The following ZBTB7B variants were observed in gnomAD, a reference collection of about 807,000 sequenced individuals.
ZBTB7B encodes zinc finger and BTB domain-containing protein 7B.
In ZBTB7B, 8 loss-of-function variants were observed where a neutral mutation model predicts 31.0. That is an observed-to-expected ratio of 0.26 (90% CI 0.15 to 0.47). The LOEUF is 0.47. Ranked by LOEUF, ZBTB7B falls within the 20% of genes least tolerant of loss-of-function variation. The pLI, the probability that ZBTB7B is intolerant of heterozygous loss-of-function variation, is 0.99. For synonymous variants in ZBTB7B, 261 were observed against 307.3 expected (o/e 0.85, Z 1.58); for missense variants, 494 against 742.4 (o/e 0.67, Z 3.89).
At chr1:155,005,365 G>GC (rs1351445515) in intron 1 of ZBTB7B, among the ~76,000 whole-genome samples, 2 of 152,190 alleles carry the variant, frequency 1.3e-5, no homozygotes, top group Non-Finnish European at 2.9e-5. Flanking sequence ...TGATCCTATG[G>GC]CTGCCTGGAT....
At chr1:155,014,431 T>G (rs1659213209) in intron 1 of ZBTB7B, 3 of 584,250 alleles carry the variant, frequency 5.1e-6, no homozygotes, top group Non-Finnish European at 9.0e-6. Flanking sequence ...GTTCTGCACT[T>G]AACTTGGAAA....
Position 155,017,347 on chromosome 1 carries a change from T to TGGGGGCAGTAGAGGGGCCC in ZBTB7B, c.*663_*681dup. The TGGGGGCAGTAGAGGGGCCC allele has an allele frequency of 6.6e-6, 1 of 151,272 alleles. No homozygotes were observed. The highest frequency in any genetic ancestry group is 2.1e-4 in the South Asian group (1 of 4,824). The allele number at this position is 151,272 out of a possible 1,614,324, so 9.4% of individuals were successfully genotyped here. ...GTGGCCTGATTGGCTCGCCTGCCCC[T>TGGGGGCAGTAGAGGGGCCC]GGGGGCAGTAGAGGGGCCCCGCCCA... is the stretch of plus-strand genomic sequence containing the variant. On this transcript the variant is annotated 3_prime_UTR_variant, in exon 3 of 3. Coordinates refer to ENST00000535420, the MANE Select transcript of ZBTB7B (RefSeq NM_001256455.2).
rs772200065 is a variant in ZBTB7B at position 155,015,467 on chromosome 1, C to A, written c.807C>A (p.Ser269Arg). The A allele has an allele frequency of 6.2e-7, 1 of 1,603,030 alleles. No homozygotes were observed. The highest frequency in any genetic ancestry group is 1.7e-5 in the Admixed American group (1 of 58,960). Residue 269 changes from serine (S) to arginine (R), a missense_variant, in exon 2 of 3, where the codon AGC becomes AGA. By Grantham distance (110) the Ser-to-Arg change is moderately radical. Around this residue, in one of 5 missense-constraint regions of ZBTB7B, gnomAD observed 216 missense variants for 229.3 expected, o/e 0.94. Transcript: ENST00000535420. ...GTASPPEGPQ[S>R]YEPYEGEEEE... is the part of the protein sequence containing the mutation. Reference sequence around the variant, plus strand: ...CCTCCCCTCCTGAGGGTCCCCAGAGCTACGAACCCTATGAGGGTGAGGAAG... The same window carrying A: ...CCTCCCCTCCTGAGGGTCCCCAGAGATACGAACCCTATGAGGGTGAGGAAG...
chr1:155,007,735 G>T (rs372385979), intron 1 of ZBTB7B, among the ~76,000 whole-genome samples: 279 of 152,310 alleles, frequency 1.8e-3, no homozygotes, highest in African/African-American at 6.1e-3. Context: ...GGGAGCAGGG[G>T]GGTAGGAGGG....
Position 155,015,107 on chromosome 1 carries a change from C to A in ZBTB7B, c.447C>A (p.Pro149=), listed in dbSNP as rs1410575816. Residue 149 remains proline (P), a synonymous_variant, in exon 2 of 3, where the codon CCC becomes CCA. Coordinates refer to ENST00000535420, the MANE Select transcript of ZBTB7B (RefSeq NM_001256455.2). ...EILQGSGLEA[P]SPDEDDCERA... is the part of the protein sequence containing the mutation. The stretch of plus-strand genomic sequence containing the variant: ...TGCAGGGCAGTGGGCTAGAAGCTCC[C>A]AGCCCGGACGAGGATGACTGTGAGC... The A allele has an allele frequency of 1.9e-6, 3 of 1,613,660 alleles. No homozygotes were observed.
chr1:155,006,798 C>T (rs1297708867), intron 1 of ZBTB7B, among the ~76,000 whole-genome samples: 10 of 152,206 alleles, frequency 6.6e-5, no homozygotes, highest in Admixed American at 6.5e-4. Context: ...TCCTTCCTTC[C>T]TCCTTTCCTC....
At position 155,017,945 on chromosome 1, in the gene ZBTB7B, T is replaced by G. The variant is rs989641264; in HGVS notation, c.*1260T>G. 1 of 156,934 alleles carries G rather than the reference T, an allele frequency of 6.4e-6. No individual in the cohort carries two copies. The highest frequency in any genetic ancestry group is 2.4e-5 in the African/African-American group (1 of 41,496). 9.7% of individuals were successfully genotyped at this position (156,934 alleles called of 1,614,324 possible). On this transcript the variant is annotated 3_prime_UTR_variant, in exon 3 of 3. Coordinates refer to ENST00000535420, the MANE Select transcript of ZBTB7B (RefSeq NM_001256455.2). Reference sequence around the variant, plus strand: ...CCCATTCTGTACATAGCCTCTTCTGTTGGTCTTGTTGAAATCTAGTTTCAG... The same window carrying G: ...CCCATTCTGTACATAGCCTCTTCTGGTGGTCTTGTTGAAATCTAGTTTCAG...
At position 155,016,572 on chromosome 1, in the gene ZBTB7B, G is replaced by C. The variant is rs1659428335; in HGVS notation, c.1507G>C (p.Glu503Gln). ...CCGCCTCTCTCTAGCTCGATTCTGG[G>C]AGCAGTCAGCCCCCACTGGGCCCCC... is the stretch of plus-strand genomic sequence containing the variant. Reference protein sequence around the residue: ...TFRLSLARFWEQSAPTGPPVS... With the variant: ...TFRLSLARFWQQSAPTGPPVS... The change falls in exon 3 of 3, where the codon GAG (glutamate) becomes CAG (glutamine). Residue 503 changes from glutamate to glutamine, a missense_variant. Coordinates refer to ENST00000535420, the MANE Select transcript of ZBTB7B (RefSeq NM_001256455.2). This position sits in a 1 kb window ranked among gnomAD's most constrained non-coding sequence, Gnocchi z 4.3. 6.2e-7 allele frequency: 1 copy of C among 1,613,956 alleles called. No individual in the cohort carries two copies. Among genetic ancestry groups the C allele is most frequent in the East Asian group, 2.2e-5 (1 of 44,878 alleles).
rs537151776 is a variant in ZBTB7B at position 155,017,148 on chromosome 1, CT to C, written c.*468del. On this transcript the variant is annotated 3_prime_UTR_variant, in exon 3 of 3. Transcript: ENST00000535420. The stretch of plus-strand genomic sequence containing the variant: ...GACCCCTCCTTCCTGGTTTCTGTTC[CT>C]TTTTCCTGGCAGTGAATTATGCAAA... 6.4e-4 allele frequency: 100 copies of C among 156,928 alleles called. No homozygotes were observed. The highest frequency in any genetic ancestry group is 5.6e-5 in the Non-Finnish European group (4 of 71,444). 9.7% of individuals were successfully genotyped at this position (156,928 alleles called of 1,614,324 possible). A position where few individuals can be genotyped will look rare whatever the true frequency, so the allele number is the denominator to read the frequency against.
intron 1 of ZBTB7B, chr1:155,011,031 C>A: frequency 2.6e-6 from 4 of 1,529,640 alleles, no homozygotes; most frequent in Non-Finnish European, 3.5e-6. Context: ...GGCCTTGGAA[C>A]CTGGGGAGGG....
In ZBTB7B at chr1:155,015,229, C is replaced by G. The variant is rs549510566; in HGVS notation, c.569C>G (p.Pro190Arg). 2 of 1,613,784 alleles carry G rather than the reference C, an allele frequency of 1.2e-6. No homozygotes were observed. The highest frequency in any genetic ancestry group is 1.7e-5 in the Admixed American group (1 of 60,026). The change falls in exon 2 of 3, where the codon CCG (proline) becomes CGG (arginine). Residue 190 changes from proline to arginine, a missense_variant. This residue lies in a region of ZBTB7B where 216 missense variants were observed against 229.3 expected (regional missense o/e 0.94). Transcript: ENST00000535420. ...CCACAGGTGCCCCTCCCACCACCTCCGCCACCGCCACCTCGGCCTGTTGCC... is the reference window on the plus strand; with the variant it reads ...CCACAGGTGCCCCTCCCACCACCTCGGCCACCGCCACCTCGGCCTGTTGCC... ...SPPQVPLPPP[P>R]PPPPRPVARR...
chr1:155,003,380 C>G lies in ZBTB7B; in HGVS notation c.-7+437C>G, dbSNP rs942345376. Reference sequence around the variant, plus strand: ...GCACCCCCCCCCCACCCCGCGCCCCCTGGCGCGGTGGATTGGCCCCAGGCC... The same window carrying G: ...GCACCCCCCCCCCACCCCGCGCCCCGTGGCGCGGTGGATTGGCCCCAGGCC... On this transcript the variant is annotated intron_variant, in intron 1 of 2. Transcript: ENST00000535420. The surrounding 1 kb of genome is among the most constrained non-coding windows in gnomAD (Gnocchi z 5.8). Among the ~76,000 whole-genome samples, 1 of 152,172 alleles carries G rather than the reference C, an allele frequency of 6.6e-6. No individual in the cohort carries two copies.
chr1:155,009,957 A>G (rs559189830), intron 1 of ZBTB7B, among the ~76,000 whole-genome samples: 2 of 152,034 alleles, frequency 1.3e-5, no homozygotes, highest in South Asian at 4.1e-4. Flanking sequence ...GAGGATGCGG[A>G]GTTCAGGGAG....
At chr1:155,010,032 A>G (rs1025571750) in intron 1 of ZBTB7B, among the ~76,000 whole-genome samples, 1 of 152,024 alleles carries the variant, frequency 6.6e-6, no homozygotes, top group African/African-American at 2.4e-5. Flanking sequence ...GGAGGCAATG[A>G]GGGGACAGAA....
chr1:155,010,902 A>G, intron 1 of ZBTB7B: 1 of 1,535,130 alleles, frequency 6.5e-7, no homozygotes, highest in Non-Finnish European at 8.7e-7. Context: ...AGGTCTCTCC[A>G]TCATCCCTGG....
In ZBTB7B at chr1:155,003,934, C is replaced by T. The variant is rs1387659914; in HGVS notation, c.-7+991C>T. ...GGCGGCGTGGGCAGCGGGTTGTGCC[C>T]GGACACGTGCCTGCCCAGGCGCCCC... On this transcript the variant is annotated intron_variant, in intron 1 of 2. Coordinates refer to ENST00000535420, the MANE Select transcript of ZBTB7B (RefSeq NM_001256455.2). This position sits in a 1 kb window ranked among gnomAD's most constrained non-coding sequence, Gnocchi z 5.8. 6.6e-6 allele frequency among the ~76,000 whole-genome samples: 1 copy of T among 152,164 alleles called. No individual in the cohort carries two copies. Among genetic ancestry groups the T allele is most frequent in the Non-Finnish European group, 1.5e-5 (1 of 68,008 alleles).
Position 155,014,110 on chromosome 1 carries a change from T to C in ZBTB7B, c.-6-545T>C, listed in dbSNP as rs909878715. ...TGGTCCAGTGTGAGTCTGAACTCTC[T>C]CATTGGCCTCTCCCCAGGTTATGAG... On this transcript the variant is annotated intron_variant, in intron 1 of 2. Coordinates refer to ENST00000535420, the MANE Select transcript of ZBTB7B (RefSeq NM_001256455.2). The C allele has an allele frequency of 7.9e-5, 78 of 985,900 alleles. 1 individual carries two copies. In the African/African-American group the frequency reaches 1.3e-3, roughly 16 times the overall value. 61.1% of individuals were successfully genotyped at this position (985,900 alleles called of 1,614,324 possible). A position where few individuals can be genotyped will look rare whatever the true frequency, so the allele number is the denominator to read the frequency against.
In ZBTB7B at chr1:155,004,244, G is replaced by T. The variant is rs1473118302; in HGVS notation, c.-7+1301G>T. On this transcript the variant is annotated intron_variant, in intron 1 of 2. Coordinates refer to ENST00000535420, the MANE Select transcript of ZBTB7B (RefSeq NM_001256455.2). The surrounding 1 kb of genome is among the most constrained non-coding windows in gnomAD (Gnocchi z 4.0). ...TCCGGGCCAGGTGGAGGGTGTTCTTGAATTGACCCCCGCCCGAATGCCTTG... is the reference window on the plus strand; with the variant it reads ...TCCGGGCCAGGTGGAGGGTGTTCTTTAATTGACCCCCGCCCGAATGCCTTG... 6.6e-6 allele frequency among the ~76,000 whole-genome samples: 1 copy of T among 152,140 alleles called. No individual in the cohort carries two copies. The highest frequency in any genetic ancestry group is 1.5e-5 in the Non-Finnish European group (1 of 68,018).
rs1390045422 is a variant in ZBTB7B, at chr1:155,003,499, GCT to G, written c.-7+562_-7+563del. Among the ~76,000 whole-genome samples the G allele has an allele frequency of 1.3e-5, 2 of 152,122 alleles. No homozygotes were observed. On this transcript the variant is annotated intron_variant, in intron 1 of 2. Transcript: ENST00000535420. The surrounding 1 kb of genome is among the most constrained non-coding windows in gnomAD (Gnocchi z 5.8). ...CGGTTTCTTGCGCTTCCAGAGCCGC[GCT>G]CTCTCCAGCGGTAGTGGGGCTCAGC... is the stretch of plus-strand genomic sequence containing the variant.
Sources: allele counts gnomAD v4.1 joint callset (sites outside exome capture counted in the v4.1 genomes callset), GRCh38; gene constraint gnomAD v4.1.1; regional missense constraint gnomAD v4.1.1; non-coding constraint Gnocchi (gnomAD v3.1); transcripts MANE v1.5; gene names NCBI Gene and HGNC (gene_info 2026-07-23, HGNC 2026-07-21).